B3GALT1: variants seen among roughly 807,000 people sequenced by gnomAD.
B3GALT1 encodes UDP-Gal:betaGlcNAc beta 1,3-galactosyltransferase, polypeptide 1.
In B3GALT1, 10 loss-of-function variants were observed where a neutral mutation model predicts 23.2. The observed-to-expected ratio is 0.43, with a 90% CI of 0.27 to 0.73. The LOEUF (loss-of-function observed/expected upper bound fraction) is 0.73. B3GALT1 is among the 30% of genes least tolerant of loss of function. The pLI, the probability that B3GALT1 is intolerant of heterozygous loss-of-function variation, is 0.21. For missense variants in B3GALT1, 299 were observed against 405.4 expected (o/e 0.74, Z 2.25); for synonymous variants, 156 against 141.5 (o/e 1.10, Z -0.73).
chr2:167,563,404 G>A (rs374503539), intron 2 of B3GALT1, among the ~76,000 whole-genome samples: 10 of 128,698 alleles, frequency 7.8e-5, no homozygotes, highest in South Asian at 2.6e-4. Context: ...CTGGCCGGGC[G>A]GGGGGCTGAC....
At chr2:167,646,151 A>G (rs2105459787) in intron 2 of B3GALT1, among the ~76,000 whole-genome samples, 1 of 152,242 alleles carries the variant, frequency 6.6e-6, no homozygotes, top group East Asian at 1.9e-4. Context: ...GTGATTTGGT[A>G]CAAATTAAAT....
intron 3 of B3GALT1, among the ~76,000 whole-genome samples, chr2:167,731,799 G>C (rs985549393): frequency 1.3e-5 from 2 of 152,202 alleles, no homozygotes; most frequent in Non-Finnish European, 2.9e-5. Context: ...ATCATGGACT[G>C]TCCTCTCAAA....
chr2:167,408,609 A>G (rs75294879), intron 1 of B3GALT1, among the ~76,000 whole-genome samples: 1 of 152,282 alleles, frequency 6.6e-6, no homozygotes, highest in East Asian at 1.9e-4. Flanking sequence ...AACATAAAAA[A>G]CTGTTAGAAC....
At chr2:167,321,708 G>T (rs1288947518) in intron 1 of B3GALT1, among the ~76,000 whole-genome samples, 5 of 151,812 alleles carry the variant, frequency 3.3e-5, no homozygotes, top group African/African-American at 1.2e-4. Flanking sequence ...TTCCCCACGT[G>T]CATTTAAAAG....
chr2:167,448,982 C>G (rs1699046916), intron 1 of B3GALT1, among the ~76,000 whole-genome samples: 1 of 152,120 alleles, frequency 6.6e-6, no homozygotes, highest in South Asian at 2.1e-4. Context: ...CAGTACCATG[C>G]TCTTTTGGTG....
At chr2:167,749,122 G>T (rs1309987888) in intron 3 of B3GALT1, among the ~76,000 whole-genome samples, 1 of 152,154 alleles carries the variant, frequency 6.6e-6, no homozygotes, top group Non-Finnish European at 1.5e-5. Context: ...TCATGACTAA[G>T]CATCCCACAC....
intron 2 of B3GALT1, among the ~76,000 whole-genome samples, chr2:167,497,368 G>A (rs1223013428): frequency 6.6e-6 from 1 of 152,080 alleles, no homozygotes; most frequent in Non-Finnish European, 1.5e-5. Context: ...CCAGACAGAA[G>A]GAAAAGGAAG....
intron 1 of B3GALT1, among the ~76,000 whole-genome samples, chr2:167,362,362 C>T (rs548419025): frequency 6.6e-6 from 1 of 152,246 alleles, no homozygotes; most frequent in Admixed American, 6.6e-5. Flanking sequence ...TCACTTTCCT[C>T]ATTTCTGCCT....
intron 2 of B3GALT1, among the ~76,000 whole-genome samples, chr2:167,515,691 A>G (rs80222588): frequency 6.6e-6 from 1 of 152,142 alleles, no homozygotes; most frequent in East Asian, 1.9e-4. Context: ...TTATTTTCTT[A>G]AGGAAATGAC....
chr2:167,451,970 G>A (rs953083697), intron 1 of B3GALT1, among the ~76,000 whole-genome samples: 1 of 152,098 alleles, frequency 6.6e-6, no homozygotes, highest in South Asian at 2.1e-4. Flanking sequence ...AAGTGGAGGA[G>A]AGCTAGCAGT....
At chr2:167,761,239 A>G (rs1022403746) in intron 3 of B3GALT1, among the ~76,000 whole-genome samples, 3 of 152,368 alleles carry the variant, frequency 2.0e-5, no homozygotes, top group Admixed American at 2.0e-4. Context: ...AGCTGAAGAT[A>G]TATTTTCAAA....
At chr2:167,805,618 G>A (rs1688736805) in intron 3 of B3GALT1, among the ~76,000 whole-genome samples, 1 of 152,164 alleles carries the variant, frequency 6.6e-6, no homozygotes, top group African/African-American at 2.4e-5. Flanking sequence ...TGTCAGGTTT[G>A]TCAAAGATCA....
chr2:167,449,981 G>C (rs370160523), intron 1 of B3GALT1, among the ~76,000 whole-genome samples: 102 of 152,172 alleles, frequency 6.7e-4, no homozygotes, highest in Non-Finnish European at 9.9e-4. Context: ...ACACGCTTTT[G>C]GATTCAGTTA....
chr2:167,617,839 G>C (rs1199491206), intron 2 of B3GALT1, among the ~76,000 whole-genome samples: 2 of 152,042 alleles, frequency 1.3e-5, no homozygotes, highest in East Asian at 3.9e-4. Flanking sequence ...CCAGCCTCCT[G>C]ATTTCCTCTT....
chr2:167,800,726 A>G (rs1030150155), intron 3 of B3GALT1, among the ~76,000 whole-genome samples: 2 of 152,172 alleles, frequency 1.3e-5, no homozygotes, highest in African/African-American at 4.8e-5. Flanking sequence ...TGAGGAACCA[A>G]AAAAAGTCTG....
chr2:167,726,500 A>T (rs1249046273), intron 3 of B3GALT1, among the ~76,000 whole-genome samples: 3 of 152,174 alleles, frequency 2.0e-5, no homozygotes, highest in African/African-American at 7.2e-5. Context: ...TCCTGCCCCC[A>T]AAGTATTCCT....
chr2:167,747,221 A>G (rs772371179), intron 3 of B3GALT1, among the ~76,000 whole-genome samples: 13 of 152,170 alleles, frequency 8.5e-5, no homozygotes, highest in Non-Finnish European at 1.3e-4. Context: ...GCAGGCAGCC[A>G]AGATGTTGGG....
At chr2:167,838,580 C>T (rs912169011) in intron 4 of B3GALT1, among the ~76,000 whole-genome samples, 3 of 152,266 alleles carry the variant, frequency 2.0e-5, no homozygotes, top group Non-Finnish European at 4.4e-5. Flanking sequence ...GGATTCACAG[C>T]CGAATTCTAC....
At chr2:167,477,643 A>C (rs1482530791) in intron 1 of B3GALT1, among the ~76,000 whole-genome samples, 20 of 152,234 alleles carry the variant, frequency 1.3e-4, no homozygotes, top group Admixed American at 1.3e-3. Flanking sequence ...GTGCATGTCT[A>C]ACAAAATAAT....
Sources: gnomAD v4.1 joint callset for allele counts (sites outside exome capture counted in the v4.1 genomes callset) on GRCh38, gnomAD v4.1.1 for gene constraint, MANE v1.5 for transcripts, NCBI Gene and HGNC (gene_info 2026-07-23, HGNC 2026-07-21) for gene names.